ZNF276: variants seen among roughly 807,000 people sequenced by gnomAD.
ZNF276 encodes zinc finger protein 276.
A neutral mutation model predicts 63.9 loss-of-function variants in ZNF276; 59 were observed. That is an observed-to-expected ratio of 0.92 (90% CI 0.75 to 1.15). The LOEUF (loss-of-function observed/expected upper bound fraction) is 1.15. ZNF276 is among the 50% of genes most tolerant of loss of function. ZNF276 has a pLI of 0.00. For synonymous variants in ZNF276, 496 were observed against 348.4 expected, an observed-to-expected ratio of 1.42 and a Z score of -4.72; for missense variants, 1,084 against 843.8, an observed-to-expected ratio of 1.28 and a Z score of -3.53.
At chr16:89,724,729 A>G (rs956949621) in intron 4 of ZNF276, among the ~76,000 whole-genome samples, 10 of 152,286 alleles carry the variant, frequency 6.6e-5, no homozygotes, top group Non-Finnish European at 1.3e-4. Context: ...CTCAGGTAGG[A>G]ACGGGATTGT....
At chr16:89,725,307 G>A (rs900588159) in intron 4 of ZNF276, among the ~76,000 whole-genome samples, 1 of 146,120 alleles carries the variant, frequency 6.8e-6, no homozygotes, top group Non-Finnish European at 1.5e-5. Context: ...TCAGCCTCCC[G>A]AGTAGCTGGG....
chr16:89,721,428 C>G (rs1456237021), upstream of ZNF276: 3 of 432,820 alleles, frequency 6.9e-6, no homozygotes, highest in East Asian at 1.2e-4. Context: ...GGGAGCGGTA[C>G]GAGCGGGGGC....
At chr16:89,734,355 C>T (rs1422530562) in intron 9 of ZNF276, among the ~76,000 whole-genome samples, 1 of 151,830 alleles carries the variant, frequency 6.6e-6, no homozygotes, top group African/African-American at 2.4e-5. Context: ...AGACGGAGTC[C>T]TGCTCTGTTG....
Position 89,722,481 on chromosome 16 carries a change from C to G in ZNF276, c.206-50C>G, listed in dbSNP as rs537514580. On this transcript the variant is annotated intron_variant, in intron 1 of 10. Transcript: ENST00000443381. The stretch of plus-strand genomic sequence containing the variant: ...GACCTGGAGTCCGGGACGCCCTGTG[C>G]TCAGGAGCCTCCTTTGCCAGCTGCT... 55 of 1,559,172 alleles carry G rather than the reference C, an allele frequency of 3.5e-5. 1 individual carries two copies. The Admixed American group carries it at 7.2e-4, about 20-fold the overall frequency.
intron 9 of ZNF276, among the ~76,000 whole-genome samples, chr16:89,737,228 T>G (rs1157763808): frequency 1.3e-5 from 2 of 152,092 alleles, no homozygotes; most frequent in Non-Finnish European, 2.9e-5. Flanking sequence ...CGGCTTCCTT[T>G]AAGAATTTGT....
At position 89,738,235 on chromosome 16, in the gene ZNF276, G is replaced by T. The variant is rs1180211362; in HGVS notation, c.1834G>T (p.Glu612Ter). 6.2e-7 allele frequency: 1 copy of T among 1,602,772 alleles called. No homozygotes were observed. The highest frequency in any genetic ancestry group is 1.1e-5 in the South Asian group (1 of 89,808). The stretch of plus-strand genomic sequence containing the variant: ...CACAGAGGGCCAGGCGGTGAAGCCC[G>T]AACCCACCTGAGGACGGCAGTGAGG... ...VTTEGQAVKP[E>*]PT The change falls in exon 11 of 11, where the codon GAA (glutamate) becomes TAA (stop). Residue 612 changes from glutamate (E) to a stop codon, truncating the protein, a stop_gained. Transcript: ENST00000443381. LOFTEE classifies it high-confidence loss of function.
At chr16:89,725,690 C>G (rs2061446802) in intron 4 of ZNF276, among the ~76,000 whole-genome samples, 2 of 152,024 alleles carry the variant, frequency 1.3e-5, no homozygotes. Context: ...ACTTGGGAGG[C>G]TGAGGCAGGA....
In ZNF276 at chr16:89,733,964, G is replaced by GC; in HGVS notation, c.1405dup (p.His469ProfsTer31). ...CACGAGGAGGTCCGGGAGCGGCCCT[G>GC]CCCCCACCCTGGCTGCAACAAGGTT... On this transcript the variant is annotated frameshift_variant, in exon 9 of 11. Transcript: ENST00000443381. LOFTEE classifies it high-confidence loss of function. The GC allele has an allele frequency of 6.2e-7, 1 of 1,614,066 alleles. No homozygotes were observed. Among genetic ancestry groups the GC allele is most frequent in the Non-Finnish European group, 8.5e-7 (1 of 1,180,030 alleles).
upstream of ZNF276, chr16:89,721,404 C>A: frequency 5.0e-6 from 2 of 399,442 alleles, no homozygotes; most frequent in Non-Finnish European, 8.8e-6. Flanking sequence ...CACGGCCGCC[C>A]TCGGGCCCGA....
rs138144828 is a variant in ZNF276, at chr16:89,740,822, C to G, written c.*2576C>G. On this transcript the variant is annotated 3_prime_UTR_variant, in exon 11 of 11. Transcript: ENST00000443381. The stretch of plus-strand genomic sequence containing the variant: ...GACTTACATTTGAGGTCAGATGTGA[C>G]GACAGCAGGCCCATCAAGGAGAAGA... 3 of 1,613,452 alleles carry G rather than the reference C, an allele frequency of 1.9e-6. No homozygotes were observed. The highest frequency in any genetic ancestry group is 2.5e-6 in the Non-Finnish European group (3 of 1,179,722).
rs992132094 is a variant in ZNF276 at position 89,729,418 on chromosome 16, T to C, written c.1169+100T>C. On this transcript the variant is annotated intron_variant, in intron 6 of 10. Transcript: ENST00000443381. Reference sequence around the variant, plus strand: ...TCCCCGGTGCCCACTCAGTTCACTCTCTCGTGTGCGGATCTCCCGAGCCCA... The same window carrying C: ...TCCCCGGTGCCCACTCAGTTCACTCCCTCGTGTGCGGATCTCCCGAGCCCA... 1.5e-5 allele frequency: 16 copies of C among 1,072,252 alleles called. No homozygotes were observed. In the East Asian group the frequency reaches 3.8e-4, roughly 26 times the overall value. The allele number at this position is 1,072,252 out of a possible 1,614,324, so 66.4% of individuals were successfully genotyped here.
Position 89,738,320 on chromosome 16 carries a change from C to T in ZNF276, c.*74C>T. ...CTGTGTCAGCCTCACCCTTCGTGTGCACCCGCATGGGAGGGTCGGAGGGTG... is the reference window on the plus strand; with the variant it reads ...CTGTGTCAGCCTCACCCTTCGTGTGTACCCGCATGGGAGGGTCGGAGGGTG... On this transcript the variant is annotated 3_prime_UTR_variant, in exon 11 of 11. Transcript: ENST00000443381. 5 of 1,516,814 alleles carry T rather than the reference C, an allele frequency of 3.3e-6. No individual in the cohort carries two copies. The highest frequency in any genetic ancestry group is 3.5e-6 in the Non-Finnish European group (4 of 1,133,212). 94.0% of individuals were successfully genotyped at this position (1,516,814 alleles called of 1,614,324 possible).
chr16:89,722,872 A>T (rs764688522), intron 2 of ZNF276, 38 bp downstream of exon 2: 3 of 1,581,302 alleles, frequency 1.9e-6, no homozygotes, highest in Non-Finnish European at 1.7e-6. Flanking sequence ...TCAGGCTGTC[A>T]GTACTGCAGT....
At chr16:89,722,027 C>G (rs553312496) in intron 1 of ZNF276, among the ~76,000 whole-genome samples, 182 bp downstream of exon 1, 14 of 152,196 alleles carry the variant, frequency 9.2e-5, no homozygotes, top group Middle Eastern at 3.4e-3. Flanking sequence ...CGCTCCGTGA[C>G]GCCGGCGTCG....
intron 6 of ZNF276, chr16:89,731,546 C>G (rs4785712): frequency 0.4 from 60,374 of 151,820 alleles, 13,281 homozygotes; most frequent in East Asian, 0.75. Context: ...AGCCACCGCG[C>G]CGGCCTCAAT....
chr16:89,731,173 T>C (rs974628141), intron 6 of ZNF276, among the ~76,000 whole-genome samples: 1 of 152,170 alleles, frequency 6.6e-6, no homozygotes, highest in Non-Finnish European at 1.5e-5. Flanking sequence ...GAGGGGGACA[T>C]GTGGCTAGGT....
rs139532591 is a variant in ZNF276, at chr16:89,738,698, T to C, written c.*452T>C. ...CACCTCTGGGTCGCAGTCCCCACGA[T>C]CAGCCAGCAGCTGTGAGAGAGGAGC... On this transcript the variant is annotated 3_prime_UTR_variant, in exon 11 of 11. Transcript: ENST00000443381. 1.9e-6 allele frequency: 3 copies of C among 1,613,756 alleles called. No homozygotes were observed. Among genetic ancestry groups the C allele is most frequent in the Non-Finnish European group, 2.5e-6 (3 of 1,179,988 alleles).
At chr16:89,732,072 G>A (rs1567577232) in intron 6 of ZNF276, 1 of 152,218 alleles carries the variant, frequency 6.6e-6, no homozygotes, top group Non-Finnish European at 1.5e-5. Context: ...TTCATGTAGA[G>A]GTTTTATCGT....
intron 6 of ZNF276, among the ~76,000 whole-genome samples, chr16:89,729,930 G>A (rs557605873): frequency 9.2e-5 from 14 of 152,280 alleles, no homozygotes; most frequent in Non-Finnish European, 1.5e-4. Flanking sequence ...TTTCTTTGCA[G>A]CCCTATACCC....
Sources: allele counts gnomAD v4.1 joint callset (sites outside exome capture counted in the v4.1 genomes callset), GRCh38; gene constraint gnomAD v4.1.1; transcripts MANE v1.5; gene names NCBI Gene and HGNC (gene_info 2026-07-23, HGNC 2026-07-21).